The following BRCA1 variants were observed in gnomAD, a reference collection of about 807,000 sequenced individuals.
BRCA1 encodes the protein breast cancer type 1 susceptibility protein.
In BRCA1, 140 loss-of-function variants were observed where a neutral mutation model predicts 173.7. That is an observed-to-expected ratio of 0.81 (90% CI 0.70 to 0.93). The LOEUF (loss-of-function observed/expected upper bound fraction) is 0.93, where lower values mean the gene tolerates loss of function less well. BRCA1 is among the 40% of genes least tolerant of loss of function. The pLI is 0.00. For missense variants in BRCA1, 1,983 were observed against 2,172.5 expected (o/e 0.91, Z 1.73); for synonymous variants, 662 against 756.0 (o/e 0.88, Z 2.04).
At chr17:43,103,032 A>G (rs2054562423) in intron 6 of BRCA1, among the ~76,000 whole-genome samples, 2 of 151,916 alleles carry the variant, frequency 1.3e-5, no homozygotes, top group Non-Finnish European at 2.9e-5. Context: ...CAGCCTCCCA[A>G]AGGGTTGGGA....
In BRCA1 at chr17:43,093,998, G is replaced by A. The variant is rs1280391272; in HGVS notation, c.1533C>T (p.Gly511=). Residue 511 remains glycine, a synonymous_variant, in exon 10 of 23, where the codon GGC becomes GGT. Transcript: ENST00000357654. ...TCTTGATAAAATCCTCAGGATGAAGGCCTGATGTAGGTCTCCTTTTACGCT... is the reference window on the plus strand; with the variant it reads ...TCTTGATAAAATCCTCAGGATGAAGACCTGATGTAGGTCTCCTTTTACGCT... ...KLKRKRRPTS[G]LHPEDFIKKA... is the part of the protein sequence containing the mutation. The A allele has an allele frequency of 6.2e-7, 1 of 1,613,910 alleles. No homozygotes were observed. The highest frequency in any genetic ancestry group is 8.5e-7 in the Non-Finnish European group (1 of 1,179,946).
At chr17:43,090,455 C>A (rs1160069080) in intron 11 of BRCA1, among the ~76,000 whole-genome samples, 1 of 152,188 alleles carries the variant, frequency 6.6e-6, no homozygotes, top group Non-Finnish European at 1.5e-5. Flanking sequence ...CTCAGTGCAA[C>A]CTCCGCCTCC....
Position 43,139,537 on chromosome 17 carries a change from G to A in BRCA1, c.-19-15422C>T, listed in dbSNP as rs2056058351. Among the ~76,000 whole-genome samples, 3 of 152,018 alleles carry A rather than the reference G, an allele frequency of 2.0e-5. No homozygotes were observed. The South Asian group carries it at 6.2e-4, about 31-fold the overall frequency. The stretch of plus-strand genomic sequence containing the variant: ...ACGTCCAGCTAATTTTTTATGTTTA[G>A]TAGAGATGGGGTTTCACCATCTTGG... On this transcript the variant is annotated intron_variant, in intron 1 of 7. Coordinates refer to the BRCA1 transcript ENST00000634433.
chr17:43,079,336 G>A (rs1209769958), intron 12 of BRCA1: 1 of 1,593,532 alleles, frequency 6.3e-7, no homozygotes, highest in Admixed American at 1.7e-5. Flanking sequence ...AGAGGCACCT[G>A]ATATATGTTC....
intron 1 of BRCA1, chr17:43,165,954 T>G (rs1178097063): frequency 6.6e-6 from 1 of 152,052 alleles, no homozygotes; most frequent in Non-Finnish European, 1.5e-5. Flanking sequence ...GAAAACCTTC[T>G]AAGTTTGGGA....
At chr17:43,091,128 C>G (rs940625037) in intron 10 of BRCA1, 96 bp from the exon 11 acceptor site, 1 of 1,179,458 alleles carries the variant, frequency 8.5e-7, no homozygotes, top group Non-Finnish European at 1.2e-6. Flanking sequence ...ACTGGATTTA[C>G]TTTCATGTCA....
At chr17:43,100,691 A>G (rs28385359) in intron 6 of BRCA1, among the ~76,000 whole-genome samples, 1 of 101,090 alleles carries the variant, frequency 9.9e-6, no homozygotes, top group Non-Finnish European at 1.8e-5. Context: ...ATATATATAT[A>G]TATATATATA....
intron 12 of BRCA1, among the ~76,000 whole-genome samples, chr17:43,077,442 T>C (rs1470878080): frequency 6.6e-6 from 1 of 152,054 alleles, no homozygotes; most frequent in Non-Finnish European, 1.5e-5. Flanking sequence ...GCGATTCTCC[T>C]GCCTCAGCCT....
At position 43,094,750 on chromosome 17, in the gene BRCA1, A is replaced by T. The variant is rs2054049254; in HGVS notation, c.781T>A (p.Tyr261Asn). 6.2e-7 allele frequency: 1 copy of T among 1,610,484 alleles called. No homozygotes were observed. Among genetic ancestry groups the T allele is most frequent in the African/African-American group, 1.3e-5 (1 of 74,588 alleles). The stretch of plus-strand genomic sequence containing the variant: ...AAGTTTGAAACAGAACTACCCTGAT[A>T]CTTTTCTGGATGCCTCTCAGCTGCA... Reference protein sequence around the residue: ...KRAAERHPEKYQGSSVSNLHV... With the variant: ...KRAAERHPEKNQGSSVSNLHV... Residue 261 changes from tyrosine (Y) to asparagine (N), a missense_variant, in exon 10 of 23, where the codon TAT becomes AAT. Physicochemically the swap from Tyr to Asn is moderately radical, Grantham distance 143 (BLOSUM62 -2). Transcript: ENST00000357654.
chr17:43,091,089 T>C (rs1472365336), intron 10 of BRCA1, 57 bp from the exon 11 acceptor site: 1 of 1,463,292 alleles, frequency 6.8e-7, no homozygotes, highest in Non-Finnish European at 9.4e-7. Context: ...CGCTGCAACT[T>C]GCTGTGTCTT....
rs143920945 is a variant in BRCA1 at position 43,093,488 on chromosome 17, A to C, written c.2043T>G (p.Ser681Arg). 6.2e-7 allele frequency: 1 copy of C among 1,613,626 alleles called. No homozygotes were observed. Among genetic ancestry groups the C allele is most frequent in the African/African-American group, 1.3e-5 (1 of 74,786 alleles). The change falls in exon 10 of 23, where the codon AGT becomes AGG. Residue 681 changes from serine to arginine, a missense_variant. Coordinates refer to ENST00000357654, the MANE Select transcript of BRCA1 (RefSeq NM_007294.4). Reference sequence around the variant, plus strand: ...TACTTGTCTGTTCATTTGGCTTGTTACTCTTCTTGGCTCCAGTTGCAGGTT... The same window carrying C: ...TACTTGTCTGTTCATTTGGCTTGTTCCTCTTCTTGGCTCCAGTTGCAGGTT... The part of the protein sequence containing the change: ...GKEPATGAKK[S>R]NKPNEQTSKR...
rs868835932 is a variant in BRCA1 at position 43,067,890 on chromosome 17, T to A, written c.4987-195A>T. 1.6e-3 allele frequency among the ~76,000 whole-genome samples: 79 copies of A among 50,092 alleles called. No individual in the cohort carries two copies. The highest frequency in any genetic ancestry group is 5.5e-3 in the South Asian group (5 of 908). 32.9% of individuals were successfully genotyped at this position (50,092 alleles called of 152,430 possible). A position where few individuals can be genotyped will look rare whatever the true frequency, so the allele number is the denominator to read the frequency against. On this transcript the variant is annotated intron_variant, in intron 15 of 22. Coordinates refer to ENST00000357654, the MANE Select transcript of BRCA1 (RefSeq NM_007294.4). ...CTTGCTCTGTCACCCAGGCTGGAGG[T>A]AAAAAAAAAAAAAAAAAAAAAATAG...
rs730881496 is a variant in BRCA1 at position 43,063,340 on chromosome 17, A to C, written c.5186T>G (p.Leu1729Arg). ...VTQSIKERKM[L>R]NEHDFEVRGD... Reference sequence around the variant, plus strand: ...GTAACATCAAGTACTTACCTCATTCAGCATTTTTCTTTCTTTAATAGACTG... The same window carrying C: ...GTAACATCAAGTACTTACCTCATTCCGCATTTTTCTTTCTTTAATAGACTG... Residue 1729 changes from leucine to arginine, a missense_variant, in exon 18 of 23, where the codon CTG becomes CGG. Coordinates refer to ENST00000357654, the MANE Select transcript of BRCA1 (RefSeq NM_007294.4). 2 of 1,610,158 alleles carry C rather than the reference A, an allele frequency of 1.2e-6. No homozygotes were observed. The highest frequency in any genetic ancestry group is 2.7e-5 in the African/African-American group (2 of 74,990).
intron 11 of BRCA1, among the ~76,000 whole-genome samples, chr17:43,087,056 A>C (rs992484068): frequency 6.6e-6 from 1 of 152,242 alleles, no homozygotes; most frequent in Non-Finnish European, 1.5e-5. Context: ...CAGTGTTGGC[A>C]AGGTACAGGA....
At chr17:43,056,654 T>C (rs957008619) in intron 19 of BRCA1, among the ~76,000 whole-genome samples, 2 of 147,950 alleles carry the variant, frequency 1.4e-5, no homozygotes, top group Admixed American at 1.4e-4. Flanking sequence ...GCCTGGGCAA[T>C]GGAGTGAGAC....
chr17:43,079,254 T>C, intron 12 of BRCA1: 1 of 1,080,266 alleles, frequency 9.3e-7, no homozygotes, highest in African/African-American at 1.6e-5. Flanking sequence ...TATTAAAAAG[T>C]CATTCCTCCT....
chr17:43,064,254 G>A (rs188913488), intron 16 of BRCA1, among the ~76,000 whole-genome samples: 1 of 152,280 alleles, frequency 6.6e-6, no homozygotes, highest in Admixed American at 6.5e-5. Context: ...CCATTATAGT[G>A]TTCAAGGAAT....
chr17:43,071,291 A>T, intron 14 of BRCA1, 53 bp from the exon 15 acceptor site: 1 of 1,583,680 alleles, frequency 6.3e-7, no homozygotes. Context: ...TTGAATTACA[A>T]AGTTCTGGTC....
At chr17:43,101,493 C>T (rs1174177834) in intron 6 of BRCA1, among the ~76,000 whole-genome samples, 1 of 151,872 alleles carries the variant, frequency 6.6e-6, no homozygotes, top group African/African-American at 2.4e-5. Flanking sequence ...CTGCGCCCAG[C>T]TAGAACAATT....
Sources: gnomAD v4.1 joint callset for allele counts (sites outside exome capture counted in the v4.1 genomes callset) on GRCh38, gnomAD v4.1.1 for gene constraint, MANE v1.5 for transcripts, NCBI Gene and HGNC (gene_info 2026-07-23, HGNC 2026-07-21) for gene names.